The following GABRG1 variants were observed in gnomAD, a reference collection of about 807,000 sequenced individuals.
GABRG1 encodes the protein gamma-aminobutyric acid type A receptor subunit gamma1.
GABRG1 carries 49 observed loss-of-function variants against 49.8 expected under a neutral mutation model. That is an observed-to-expected ratio of 0.98 (90% CI 0.78 to 1.25). GABRG1 has a LOEUF of 1.25. Ranked by LOEUF, GABRG1 falls within the 50% of genes most tolerant of loss-of-function variation. GABRG1 has a pLI of 0.00. For missense variants in GABRG1, 552 were observed against 552.3 expected (o/e 1.00, Z 0.01); for synonymous variants, 232 against 185.1 (o/e 1.25, Z -2.06).
At chr4:46,097,569 A>G (rs574096498) in intron 1 of GABRG1, among the ~76,000 whole-genome samples, 72 of 148,284 alleles carry the variant, frequency 4.9e-4, no homozygotes, top group African/African-American at 1.8e-3. Flanking sequence ...ACACAATATT[A>G]AAATAATAAA....
At chr4:46,098,685 C>T (rs1378116449) in intron 1 of GABRG1, among the ~76,000 whole-genome samples, 1 of 151,690 alleles carries the variant, frequency 6.6e-6, no homozygotes, top group African/African-American at 2.4e-5. Context: ...AATATTACTG[C>T]TTTTGATTGC....
chr4:46,097,111 A>G, intron 2 of GABRG1, 90 bp downstream of exon 2: 2 of 1,119,504 alleles, frequency 1.8e-6, no homozygotes, highest in Non-Finnish European at 1.2e-6. Flanking sequence ...TACATCAGAC[A>G]CTCAAGGAAT....
chr4:46,097,015 T>C (rs1030477294), intron 2 of GABRG1, among the ~76,000 whole-genome samples, 186 bp downstream of exon 2: 5 of 151,678 alleles, frequency 3.3e-5, no homozygotes, highest in Admixed American at 1.3e-4. Context: ...ATTTTTTTTC[T>C]TTTTTCTTAT....
intron 1 of GABRG1, among the ~76,000 whole-genome samples, chr4:46,111,004 T>C (rs1720694772): frequency 6.6e-6 from 1 of 151,120 alleles, no homozygotes; most frequent in African/African-American, 2.4e-5. Context: ...GCCAGAGCAA[T>C]ATGGCAAGAG....
Position 46,058,432 on chromosome 4 carries a change from TA to T in GABRG1, c.763+52del, listed in dbSNP as rs1307345732. 1.3e-5 allele frequency: 20 copies of T among 1,596,786 alleles called. No homozygotes were observed. The East Asian group carries it at 3.8e-4, about 30-fold the overall frequency. ...TAAATCACAATCCATATATTTAAAA[TA>T]AAAATGTCATTTAATGCTAGCATCA... On this transcript the variant is annotated intron_variant, in intron 6 of 8. Transcript: ENST00000295452.
At chr4:46,048,253 C>T (rs1718077066) in intron 8 of GABRG1, among the ~76,000 whole-genome samples, 1 of 151,852 alleles carries the variant, frequency 6.6e-6, no homozygotes, top group African/African-American at 2.4e-5. Flanking sequence ...ACAAATACAC[C>T]TGAATTATAT....
chr4:46,066,310 A>G (rs904135491), intron 3 of GABRG1, among the ~76,000 whole-genome samples: 1 of 152,192 alleles, frequency 6.6e-6, no homozygotes, highest in Non-Finnish European at 1.5e-5. Flanking sequence ...TAAAAAGTTA[A>G]TTCCAATTAT....
chr4:46,083,925 T>C lies in GABRG1; in HGVS notation c.321+61A>G, dbSNP rs1474262458. The C allele has an allele frequency of 1.0e-5, 9 of 877,166 alleles. No individual in the cohort carries two copies. The East Asian group carries it at 1.9e-4, about 18-fold the overall frequency. 54.3% of individuals were successfully genotyped at this position (877,166 alleles called of 1,614,324 possible). On this transcript the variant is annotated intron_variant, in intron 3 of 8. Coordinates refer to ENST00000295452, the MANE Select transcript of GABRG1 (RefSeq NM_173536.4). ...AAAAATTACTCACATGCGAATTCTATTTTGGAGGTATACACGAGAGATCTC... is the reference window on the plus strand; with the variant it reads ...AAAAATTACTCACATGCGAATTCTACTTTGGAGGTATACACGAGAGATCTC...
chr4:46,087,193 T>C (rs777683587), intron 2 of GABRG1, among the ~76,000 whole-genome samples: 1 of 151,682 alleles, frequency 6.6e-6, no homozygotes, highest in African/African-American at 2.4e-5. Flanking sequence ...GTAAGACTTA[T>C]AGTAGTTCTT....
At chr4:46,101,369 C>T (rs1054751572) in intron 1 of GABRG1, among the ~76,000 whole-genome samples, 2 of 151,152 alleles carry the variant, frequency 1.3e-5, no homozygotes, top group South Asian at 4.2e-4. Context: ...TCCTAATTCA[C>T]AAGACCGCAA....
intron 1 of GABRG1, 39 bp downstream of exon 1, chr4:46,123,771 G>C: frequency 7.0e-7 from 1 of 1,428,044 alleles, no homozygotes; most frequent in Non-Finnish European, 9.9e-7. Flanking sequence ...GAAAGGGGTA[G>C]ATAGCAAAGA....
chr4:46,058,459 T>C (rs1718539214), intron 6 of GABRG1, 26 bp downstream of exon 6: 2 of 1,608,114 alleles, frequency 1.2e-6, no homozygotes, highest in Non-Finnish European at 1.7e-6. Context: ...GCTAGCATCA[T>C]TTCACTATTT....
intron 1 of GABRG1, among the ~76,000 whole-genome samples, chr4:46,123,529 C>G (rs1037340484): frequency 6.6e-6 from 1 of 152,044 alleles, no homozygotes; most frequent in African/African-American, 2.4e-5. Flanking sequence ...CCCCCTCACT[C>G]CCTCCCAGTA....
intron 4 of GABRG1, 149 bp downstream of exon 4, chr4:46,065,215 C>T: frequency 1.8e-6 from 1 of 557,178 alleles, no homozygotes; most frequent in East Asian, 3.0e-5. Flanking sequence ...AAAGTATTGC[C>T]AAAGTATTTC....
intron 7 of GABRG1, among the ~76,000 whole-genome samples, chr4:46,053,687 G>A (rs1400770418): frequency 6.6e-6 from 1 of 151,748 alleles, no homozygotes; most frequent in Non-Finnish European, 1.5e-5. Context: ...CCAATGTGTG[G>A]TTTCATTTTG....
At chr4:46,053,010 T>C (rs993675378) in intron 7 of GABRG1, among the ~76,000 whole-genome samples, 2 of 152,070 alleles carry the variant, frequency 1.3e-5, no homozygotes, top group East Asian at 3.9e-4. Context: ...GACTCTTCTA[T>C]TAGCTCTGTG....
intron 2 of GABRG1, among the ~76,000 whole-genome samples, chr4:46,085,632 A>G (rs1423878055): frequency 1.3e-5 from 2 of 151,538 alleles, no homozygotes; most frequent in African/African-American, 4.8e-5. Flanking sequence ...AAAATATTTC[A>G]TATTAATTTT....
At chr4:46,046,176 A>G (rs1320247456) in intron 8 of GABRG1, among the ~76,000 whole-genome samples, 1 of 152,118 alleles carries the variant, frequency 6.6e-6, no homozygotes, top group Non-Finnish European at 1.5e-5. Flanking sequence ...CTCCACTATT[A>G]CTGTTAAAAT....
chr4:46,062,944 A>C (rs990491014), intron 5 of GABRG1, among the ~76,000 whole-genome samples: 1 of 151,960 alleles, frequency 6.6e-6, no homozygotes, highest in Non-Finnish European at 1.5e-5. Context: ...CAAAATACTT[A>C]GGAATCCAAC....
Sources: gnomAD v4.1 joint callset for allele counts (sites outside exome capture counted in the v4.1 genomes callset) on GRCh38, gnomAD v4.1.1 for gene constraint, MANE v1.5 for transcripts, NCBI Gene and HGNC (gene_info 2026-07-23, HGNC 2026-07-21) for gene names.